Variants in PDE3A observed in about 807,000 individuals in gnomAD.
PDE3A encodes the protein phosphodiesterase 3A.
In PDE3A, 43 loss-of-function variants were observed where a neutral mutation model predicts 98.3. The ratio of observed to expected loss-of-function variants is 0.44; its 90% CI spans 0.34 to 0.56. The LOEUF (loss-of-function observed/expected upper bound fraction) is 0.56, where lower values mean the gene tolerates loss of function less well. Ranked by LOEUF, PDE3A falls within the 20% of genes least tolerant of loss-of-function variation. PDE3A has a pLI of 0.01. For missense variants in PDE3A, 1,427 were observed against 1,440.7 expected (o/e 0.99, Z 0.15); for synonymous variants, 663 against 567.9 (o/e 1.17, Z -2.38).
At position 20,389,459 on chromosome 12, in the gene PDE3A, C is replaced by T. The variant is rs556968697; in HGVS notation, c.960+19215C>T. 5.3e-5 allele frequency among the ~76,000 whole-genome samples: 8 copies of T among 152,068 alleles called. No homozygotes were observed. In the East Asian group the frequency reaches 1.4e-3, roughly 26 times the overall value. On this transcript the variant is annotated intron_variant, in intron 1 of 15. Coordinates refer to ENST00000359062, the MANE Select transcript of PDE3A (RefSeq NM_000921.5). The stretch of plus-strand genomic sequence containing the variant: ...GAGTGCCAGTACTTACTAGTCAGTG[C>T]TTCTTGTTTTTAGTGGGAAAGTCAC...
intron 1 of PDE3A, among the ~76,000 whole-genome samples, chr12:20,451,969 C>CT (rs928062983): frequency 1.5e-4 from 23 of 152,188 alleles, no homozygotes; most frequent in Middle Eastern, 3.2e-3. Flanking sequence ...GGCTCTTCAT[C>CT]TGATCAGTCT....
intron 1 of PDE3A, among the ~76,000 whole-genome samples, chr12:20,518,355 C>T (rs1239979695): frequency 2.0e-5 from 3 of 151,770 alleles, no homozygotes; most frequent in Non-Finnish European, 2.9e-5. Context: ...ATGACAATGA[C>T]TGAACTTTTA....
In PDE3A at chr12:20,552,290, G is replaced by T; in HGVS notation, c.961-4370G>T. On this transcript the variant is annotated intron_variant, in intron 1 of 15. Transcript: ENST00000359062. The surrounding 1 kb of genome is among the most constrained non-coding windows in gnomAD (Gnocchi z 5.1). ...AAGTACGCCCCCGCTGAGGGCAACCGCTACGATGGCATCTACAAGGTTGTG... is the reference window on the plus strand; with the variant it reads ...AAGTACGCCCCCGCTGAGGGCAACCTCTACGATGGCATCTACAAGGTTGTG... 6.2e-7 allele frequency: 1 copy of T among 1,613,952 alleles called. No individual in the cohort carries two copies. The highest frequency in any genetic ancestry group is 1.7e-5 in the Admixed American group (1 of 60,028).
intron 1 of PDE3A, among the ~76,000 whole-genome samples, chr12:20,429,559 A>G (rs1375934680): frequency 6.6e-6 from 1 of 152,168 alleles, no homozygotes; most frequent in Non-Finnish European, 1.5e-5. Context: ...AGCAATCTTC[A>G]CTGAACTAAC....
At chr12:20,580,625 A>G (rs185242000) in intron 2 of PDE3A, among the ~76,000 whole-genome samples, 9 of 152,316 alleles carry the variant, frequency 5.9e-5, no homozygotes, top group Admixed American at 5.2e-4. Context: ...TTGACAAGCA[A>G]AGGCTTTCTG....
At chr12:20,540,774 A>T (rs1329567784) in intron 1 of PDE3A, among the ~76,000 whole-genome samples, 1 of 152,018 alleles carries the variant, frequency 6.6e-6, no homozygotes, top group Non-Finnish European at 1.5e-5. Flanking sequence ...CATTAGGAAA[A>T]CTTTGGCTAG....
intron 1 of PDE3A, among the ~76,000 whole-genome samples, chr12:20,486,229 G>A (rs781474788): frequency 1.3e-5 from 2 of 152,078 alleles, no homozygotes; most frequent in Non-Finnish European, 2.9e-5. Context: ...GGGAGGCCTC[G>A]GGAAACTTAC....
intron 1 of PDE3A, among the ~76,000 whole-genome samples, chr12:20,508,372 A>C (rs994424816): frequency 6.7e-6 from 1 of 149,654 alleles, no homozygotes; most frequent in Non-Finnish European, 1.5e-5. Context: ...CTCATATATA[A>C]TTTTTTTCAC....
chr12:20,384,582 A>G (rs61352018), intron 1 of PDE3A, among the ~76,000 whole-genome samples: 2,733 of 152,010 alleles, frequency 0.018, 92 homozygotes, highest in African/African-American at 0.062. Flanking sequence ...CAGGTTTGCT[A>G]TGTAGGTAAA....
intron 2 of PDE3A, among the ~76,000 whole-genome samples, chr12:20,585,803 AC>A (rs1943180686): frequency 1.3e-5 from 2 of 151,708 alleles, no homozygotes; most frequent in Admixed American, 1.3e-4. Flanking sequence ...TTCAGTTTTG[AC>A]TTTGGTTCAT....
At chr12:20,479,680 G>A (rs73071172) in intron 1 of PDE3A, among the ~76,000 whole-genome samples, 2 of 152,270 alleles carry the variant, frequency 1.3e-5, no homozygotes, top group Non-Finnish European at 2.9e-5. Flanking sequence ...GGGGCAGCGT[G>A]GAAGAAACTG....
intron 1 of PDE3A, among the ~76,000 whole-genome samples, chr12:20,501,883 C>A (rs1377700052): frequency 2.0e-5 from 3 of 152,060 alleles, no homozygotes; most frequent in Non-Finnish European, 2.9e-5. Flanking sequence ...CTAAATAACA[C>A]CCCACTTCAT....
intron 12 of PDE3A, among the ~76,000 whole-genome samples, chr12:20,648,142 T>C (rs112488245): frequency 8.6e-4 from 131 of 151,472 alleles, no homozygotes; most frequent in African/African-American, 3.0e-3. Flanking sequence ...GGAGTGAGAA[T>C]GTTTTAAGTC....
At chr12:20,392,353 ACTGTAGGTCTAAAAT>A (rs1057116567) in intron 1 of PDE3A, among the ~76,000 whole-genome samples, 1 of 151,848 alleles carries the variant, frequency 6.6e-6, no homozygotes, top group African/African-American at 2.4e-5. Context: ...TATAACTATC[ACTGTAGGTCTAAAAT>A]GTGTAGGTCT....
intron 1 of PDE3A, among the ~76,000 whole-genome samples, chr12:20,441,288 C>T (rs1034958947): frequency 1.3e-4 from 20 of 152,032 alleles, no homozygotes; most frequent in African/African-American, 3.6e-4. Context: ...TAGGATCCTT[C>T]GTGGAGCAGA....
At chr12:20,457,932 T>TGTTC (rs1945179901) in intron 1 of PDE3A, among the ~76,000 whole-genome samples, 1 of 152,140 alleles carries the variant, frequency 6.6e-6, no homozygotes, top group South Asian at 2.1e-4. Context: ...ATGTTATTTA[T>TGTTC]ACAGTTAGAT....
intron 1 of PDE3A, among the ~76,000 whole-genome samples, chr12:20,395,758 A>G (rs1944005789): frequency 6.6e-6 from 1 of 150,894 alleles, no homozygotes. Context: ...ATATTTGACA[A>G]TTTGGGGAGA....
At position 20,621,543 on chromosome 12, in the gene PDE3A, A is replaced by G. The variant is rs1306951963; in HGVS notation, c.1540+132A>G. On this transcript the variant is annotated intron_variant, in intron 5 of 15. Transcript: ENST00000359062. ...TTTGGTTTGTCTATTCTAATAACCA[A>G]TTAGTTATTTTTTAGAAGTCTCAAT... 4.7e-5 allele frequency: 27 copies of G among 570,360 alleles called. No individual in the cohort carries two copies. In the East Asian group the frequency reaches 7.9e-4, roughly 17 times the overall value. 35.3% of individuals were successfully genotyped at this position (570,360 alleles called of 1,614,324 possible).
chr12:20,403,869 C>CAT (rs1466554933), intron 1 of PDE3A, among the ~76,000 whole-genome samples: 4 of 151,822 alleles, frequency 2.6e-5, no homozygotes, highest in Non-Finnish European at 4.4e-5. Context: ...TATGTAGATA[C>CAT]ATATATATAT....
Sources: gnomAD v4.1 joint callset for allele counts (sites outside exome capture counted in the v4.1 genomes callset) on GRCh38, gnomAD v4.1.1 for gene constraint, Gnocchi (gnomAD v3.1) non-coding constraint, MANE v1.5 for transcripts, NCBI Gene and HGNC (gene_info 2026-07-23, HGNC 2026-07-21) for gene names.